PRDM5: variants seen among roughly 807,000 people sequenced by gnomAD.
PRDM5 encodes the protein PR/SET domain 5.
In PRDM5, 56 loss-of-function variants were observed where a neutral mutation model predicts 81.2. The observed-to-expected ratio is 0.69, with a 90% CI of 0.56 to 0.86. PRDM5 has a LOEUF of 0.86. PRDM5 is among the 40% of genes least tolerant of loss of function. The pLI, the probability that PRDM5 is intolerant of heterozygous loss-of-function variation, is 0.00. For synonymous variants in PRDM5, 267 were observed against 256.4 expected, an observed-to-expected ratio of 1.04 and a Z score of -0.39; for missense variants, 697 against 770.1, an observed-to-expected ratio of 0.91 and a Z score of 1.12.
intron 3 of PRDM5, among the ~76,000 whole-genome samples, chr4:120,823,856 T>C (rs1755612388): frequency 6.6e-6 from 1 of 152,200 alleles, no homozygotes; most frequent in Non-Finnish European, 1.5e-5. Flanking sequence ...TGATGGGAAG[T>C]GTTTGGGTCA....
intron 8 of PRDM5, among the ~76,000 whole-genome samples, chr4:120,808,128 G>A (rs1236036361): frequency 1.3e-5 from 2 of 152,160 alleles, no homozygotes; most frequent in East Asian, 1.9e-4. Flanking sequence ...AGCTTCCACA[G>A]TGTGGAAGGG....
At chr4:120,742,787 C>T (rs1450096766) in intron 14 of PRDM5, among the ~76,000 whole-genome samples, 1 of 151,798 alleles carries the variant, frequency 6.6e-6, no homozygotes, top group Non-Finnish European at 1.5e-5. Context: ...TGTGAAAAGA[C>T]CAAATCTACG....
chr4:120,703,419 G>A (rs1439678337), intron 15 of PRDM5, among the ~76,000 whole-genome samples: 1 of 151,986 alleles, frequency 6.6e-6, no homozygotes, highest in Non-Finnish European at 1.5e-5. Flanking sequence ...TGAACTCCTG[G>A]GCTTAAACGA....
At chr4:120,877,030 CATATT>C (rs1343395097) in intron 2 of PRDM5, among the ~76,000 whole-genome samples, 2 of 152,078 alleles carry the variant, frequency 1.3e-5, no homozygotes, top group Non-Finnish European at 2.9e-5. Flanking sequence ...AGAAACAGCA[CATATT>C]ATATTTTTTA....
At chr4:120,813,041 T>G (rs958086240) in intron 7 of PRDM5, 7 of 156,818 alleles carry the variant, frequency 4.5e-5, no homozygotes, top group Non-Finnish European at 8.4e-5. Context: ...AATCTTTAAG[T>G]ATATGCTTAT....
chr4:120,758,826 A>C (rs987657856), intron 13 of PRDM5, among the ~76,000 whole-genome samples: 4 of 149,372 alleles, frequency 2.7e-5, no homozygotes, highest in African/African-American at 9.9e-5. Context: ...CGCGATCTCG[A>C]CTCACTGCAA....
At chr4:120,745,183 C>A (rs1275434091) in intron 14 of PRDM5, among the ~76,000 whole-genome samples, 75 of 109,168 alleles carry the variant, frequency 6.9e-4, no homozygotes, top group Non-Finnish European at 2.9e-4. Flanking sequence ...ACAAAAACCA[C>A]ATGATTATCT....
At chr4:120,772,838 TTG>T (rs1216399113) in intron 13 of PRDM5, among the ~76,000 whole-genome samples, 2 of 152,216 alleles carry the variant, frequency 1.3e-5, no homozygotes, top group Non-Finnish European at 2.9e-5. Flanking sequence ...ATTACATTAT[TTG>T]TCTTTTTCAC....
At chr4:120,763,939 AC>A (rs1746000609) in intron 13 of PRDM5, among the ~76,000 whole-genome samples, 1 of 151,856 alleles carries the variant, frequency 6.6e-6, no homozygotes, top group African/African-American at 2.4e-5. Context: ...AAAAAAAAAA[AC>A]AGCTAGAGAA....
At chr4:120,828,648 C>T (rs1756335099) in intron 3 of PRDM5, among the ~76,000 whole-genome samples, 1 of 152,020 alleles carries the variant, frequency 6.6e-6, no homozygotes, top group South Asian at 2.1e-4. Context: ...TTTCTCTTTA[C>T]TTCAGTGACT....
chr4:120,853,779 C>A (rs2597546), intron 2 of PRDM5, among the ~76,000 whole-genome samples: 1 of 151,958 alleles, frequency 6.6e-6, no homozygotes, highest in Admixed American at 6.5e-5. Flanking sequence ...AAACATCCTA[C>A]GTTGATAGTT....
intron 14 of PRDM5, among the ~76,000 whole-genome samples, chr4:120,737,391 G>T (rs549221157): frequency 3.2e-4 from 48 of 152,324 alleles, no homozygotes; most frequent in Non-Finnish European, 3.7e-4. Flanking sequence ...GACAACCACA[G>T]CAACAAGGAA....
intron 14 of PRDM5, among the ~76,000 whole-genome samples, chr4:120,723,478 A>C (rs1738915891): frequency 6.6e-6 from 1 of 152,200 alleles, no homozygotes; most frequent in South Asian, 2.1e-4. Context: ...TTTTATTTTA[A>C]TCTTACAAAA....
At chr4:120,868,273 T>C (rs1019474710) in intron 2 of PRDM5, among the ~76,000 whole-genome samples, 1 of 152,198 alleles carries the variant, frequency 6.6e-6, no homozygotes, top group African/African-American at 2.4e-5. Flanking sequence ...ATGGCATATA[T>C]ACTGTGTTTA....
intron 3 of PRDM5, chr4:120,837,840 G>A (rs1561442185): frequency 6.6e-6 from 1 of 152,118 alleles, no homozygotes; most frequent in East Asian, 1.9e-4. Context: ...TAATAAAACA[G>A]ACATGTGTAA....
chr4:120,840,191 G>A (rs1448251076), intron 3 of PRDM5, among the ~76,000 whole-genome samples: 1 of 152,212 alleles, frequency 6.6e-6, no homozygotes, highest in Non-Finnish European at 1.5e-5. Context: ...TTCACACCCT[G>A]GGGCAGGGCT....
At chr4:120,867,723 T>A (rs2148523992) in intron 2 of PRDM5, among the ~76,000 whole-genome samples, 1 of 152,296 alleles carries the variant, frequency 6.6e-6, no homozygotes, top group East Asian at 1.9e-4. Context: ...CCCAAGGGAG[T>A]GTTTTTAATT....
chr4:120,901,242 A>T lies in PRDM5; in HGVS notation c.177+6232T>A, dbSNP rs187180624. ...TTTTATCCCTCACCCTGTTCCCACC[A>T]TGATGGCTATATTTTGAAAACATGT... On this transcript the variant is annotated intron_variant, in intron 2 of 15. Transcript: ENST00000264808. Among the ~76,000 whole-genome samples the T allele has an allele frequency of 3.9e-5, 6 of 152,354 alleles. No individual in the cohort carries two copies. In the East Asian group the frequency reaches 7.7e-4, roughly 20 times the overall value.
intron 8 of PRDM5, among the ~76,000 whole-genome samples, chr4:120,807,512 C>T (rs6826227): frequency 1.3e-5 from 2 of 152,100 alleles, no homozygotes; most frequent in Non-Finnish European, 2.9e-5. Context: ...ACACATACAC[C>T]ATGGAATACT....
Sources: allele counts gnomAD v4.1 joint callset (sites outside exome capture counted in the v4.1 genomes callset), GRCh38; gene constraint gnomAD v4.1.1; transcripts MANE v1.5; gene names NCBI Gene and HGNC (gene_info 2026-07-23, HGNC 2026-07-21).